The following PPP1R9A variants were observed in gnomAD, a reference collection of about 807,000 sequenced individuals.
The protein encoded by PPP1R9A is neurabin-1.
Under a neutral mutation model 141.9 loss-of-function variants are expected in PPP1R9A, and 59 were observed. The observed-to-expected ratio is 0.42, with a 90% CI of 0.34 to 0.52. The LOEUF (loss-of-function observed/expected upper bound fraction) is 0.52. Among genes scored for constraint, PPP1R9A ranks in the 20% least tolerant of loss-of-function variants. The probability of loss-of-function intolerance (pLI) is 0.10; values close to 1 mark genes in which losing one functional copy is unlikely to be tolerated. For missense variants in PPP1R9A, 1,444 were observed against 1,611.9 expected (o/e 0.90, Z 1.78); for synonymous variants, 500 against 569.7 (o/e 0.88, Z 1.74).
intron 2 of PPP1R9A, among the ~76,000 whole-genome samples, chr7:95,029,164 CAA>C (rs1807310053): frequency 6.6e-6 from 1 of 152,084 alleles, no homozygotes; most frequent in African/African-American, 2.4e-5. Flanking sequence ...TTCTTTGCAC[CAA>C]ATACTTTCCT....
At chr7:95,079,516 A>G (rs2152270960) in intron 2 of PPP1R9A, among the ~76,000 whole-genome samples, 1 of 152,096 alleles carries the variant, frequency 6.6e-6, no homozygotes, top group East Asian at 1.9e-4. Context: ...AGGTACAAGG[A>G]GGAACTGGTA....
intron 4 of PPP1R9A, among the ~76,000 whole-genome samples, chr7:95,123,858 A>G (rs1225274958): frequency 1.3e-5 from 2 of 152,200 alleles, no homozygotes; most frequent in Non-Finnish European, 2.9e-5. Flanking sequence ...CATATATATG[A>G]AACTGTTCTT....
chr7:94,910,709 C>T lies in PPP1R9A; in HGVS notation c.596C>T (p.Ser199Phe), dbSNP rs761574082. The change falls in exon 2 of 20, where the codon TCC (serine) becomes TTC (phenylalanine). Residue 199 changes from serine to phenylalanine, a missense_variant. Ser to Phe is a radical substitution (Grantham distance 155). This residue lies in a region of PPP1R9A where 490 missense variants were observed against 521.1 expected (regional missense o/e 0.94). Transcript: ENST00000433360. The surrounding 1 kb of genome is among the most constrained non-coding windows in gnomAD (Gnocchi z 4.5). ...DSLSSRTEAVSPTVSQLSAVF... is the reference protein window; with the variant it reads ...DSLSSRTEAVFPTVSQLSAVF... Reference sequence around the variant, plus strand: ...CTTAGCTCCCGAACTGAGGCTGTCTCCCCAACTGTGAGTCAACTGAGTGCA... The same window carrying T: ...CTTAGCTCCCGAACTGAGGCTGTCTTCCCAACTGTGAGTCAACTGAGTGCA... 3.7e-6 allele frequency: 6 copies of T among 1,614,166 alleles called. No individual in the cohort carries two copies. Among genetic ancestry groups the T allele is most frequent in the Admixed American group, 1.7e-5 (1 of 60,014 alleles).
At chr7:94,913,441 A>G (rs770122359) in intron 2 of PPP1R9A, among the ~76,000 whole-genome samples, 1 of 152,222 alleles carries the variant, frequency 6.6e-6, no homozygotes, top group Non-Finnish European at 1.5e-5. Context: ...AATGCATTTC[A>G]TCAAGAATAA....
At position 95,274,102 on chromosome 7, in the gene PPP1R9A, A is replaced by T; in HGVS notation, c.3230A>T (p.Asn1077Ile). Reference sequence around the variant, plus strand: ...CATTACAGGGCGCCTTTGCGAAGGAATTCCAGCAAGGGAAAGAAGTGGAAA... The same window carrying T: ...CATTACAGGGCGCCTTTGCGAAGGATTTCCAGCAAGGGAAAGAAGTGGAAA... ...FVDLGAPLRRNSSKGKKWKEK... is the reference protein window; with the variant it reads ...FVDLGAPLRRISSKGKKWKEK... The change falls in exon 16 of 20, where the codon AAT (asparagine) becomes ATT (isoleucine). Residue 1077 changes from asparagine (N) to isoleucine (I), a missense_variant. Coordinates refer to ENST00000433360, the MANE Select transcript of PPP1R9A (RefSeq NM_001166160.2). 6.3e-7 allele frequency: 1 copy of T among 1,583,574 alleles called. No individual in the cohort carries two copies. Among genetic ancestry groups the T allele is most frequent in the Non-Finnish European group, 8.5e-7 (1 of 1,170,528 alleles).
At chr7:95,005,958 A>G (rs145307588) in intron 2 of PPP1R9A, among the ~76,000 whole-genome samples, 59 of 152,270 alleles carry the variant, frequency 3.9e-4, no homozygotes, top group African/African-American at 1.3e-3. Context: ...AGAAGTGGAA[A>G]GTATCTTAGA....
At chr7:95,119,810 T>C (rs1321782342) in intron 3 of PPP1R9A, among the ~76,000 whole-genome samples, 3 of 152,204 alleles carry the variant, frequency 2.0e-5, no homozygotes, top group African/African-American at 7.2e-5. Context: ...ATCTCATTTG[T>C]GTAAGCAAAT....
At chr7:95,090,406 G>A (rs1426066377) in intron 2 of PPP1R9A, among the ~76,000 whole-genome samples, 2 of 151,984 alleles carry the variant, frequency 1.3e-5, no homozygotes, top group African/African-American at 4.8e-5. Context: ...TGCTTTTATA[G>A]TGTATGGAAA....
chr7:95,046,264 ACAGATGGGG>A lies in PPP1R9A; in HGVS notation c.1396-64994_1396-64986del, dbSNP rs1809999860. ...CCTGGCTAATTTTTGTATTTTTAGTACAGATGGGGTTTCACCATGTTGACAGGCTGGTCC... is the reference window on the plus strand; with the variant it reads ...CCTGGCTAATTTTTGTATTTTTAGTATTTCACCATGTTGACAGGCTGGTCC... On this transcript the variant is annotated intron_variant, in intron 2 of 19. Coordinates refer to ENST00000433360, the MANE Select transcript of PPP1R9A (RefSeq NM_001166160.2). 1.2e-4 allele frequency among the ~76,000 whole-genome samples: 19 copies of A among 152,040 alleles called. No individual in the cohort carries two copies. The South Asian group carries it at 4.0e-3, about 32-fold the overall frequency.
intron 8 of PPP1R9A, among the ~76,000 whole-genome samples, chr7:95,246,537 A>G (rs1353143769): frequency 6.6e-6 from 1 of 152,126 alleles, no homozygotes; most frequent in African/African-American, 2.4e-5. Flanking sequence ...AAAATAATTC[A>G]TGTGTTTTTG....
At chr7:95,023,454 G>A (rs1007906159) in intron 2 of PPP1R9A, among the ~76,000 whole-genome samples, 2 of 151,896 alleles carry the variant, frequency 1.3e-5, no homozygotes, top group Non-Finnish European at 2.9e-5. Context: ...TTTTTGAATG[G>A]TTTTTCATGT....
intron 7 of PPP1R9A, among the ~76,000 whole-genome samples, chr7:95,214,774 T>C (rs1028111882): frequency 6.6e-6 from 1 of 152,136 alleles, no homozygotes; most frequent in African/African-American, 2.4e-5. Context: ...GAAAATATTT[T>C]ATTGGCAAAT....
At chr7:95,060,616 G>A (rs530869299) in intron 2 of PPP1R9A, among the ~76,000 whole-genome samples, 61 of 152,206 alleles carry the variant, frequency 4.0e-4, no homozygotes, top group Non-Finnish European at 6.0e-4. Context: ...TGTAAGGTCC[G>A]AAGACCCCAA....
At chr7:95,121,774 G>A (rs1822656116) in intron 4 of PPP1R9A, among the ~76,000 whole-genome samples, 1 of 152,004 alleles carries the variant, frequency 6.6e-6, no homozygotes, top group Non-Finnish European at 1.5e-5. Context: ...GAGCAAGAAG[G>A]GGCAAAACTT....
chr7:94,949,533 A>G (rs938587318), intron 2 of PPP1R9A, among the ~76,000 whole-genome samples: 7 of 152,110 alleles, frequency 4.6e-5, no homozygotes, highest in African/African-American at 1.7e-4. Context: ...AATGGGATTT[A>G]CCCAAAATAG....
chr7:95,035,770 C>T (rs1808346506), intron 2 of PPP1R9A: 1 of 152,110 alleles, frequency 6.6e-6, no homozygotes, highest in African/African-American at 2.4e-5. Context: ...TATAAAAAAA[C>T]CTTGCATTCT....
upstream of PPP1R9A, chr7:94,907,555 CA>C (rs1790886256): frequency 6.6e-6 from 1 of 152,180 alleles, no homozygotes; most frequent in Admixed American, 6.5e-5. Flanking sequence ...GCCCCTCGCC[CA>C]CGGCCGAGGG....
At chr7:95,040,078 A>G (rs560317251) in intron 2 of PPP1R9A, among the ~76,000 whole-genome samples, 1 of 152,300 alleles carries the variant, frequency 6.6e-6, no homozygotes, top group East Asian at 1.9e-4. Flanking sequence ...GAGGATCAGA[A>G]AGGTGGATTT....
At chr7:94,931,282 TC>T (rs1563007703) in intron 2 of PPP1R9A, among the ~76,000 whole-genome samples, 1 of 152,180 alleles carries the variant, frequency 6.6e-6, no homozygotes, top group East Asian at 1.9e-4. Context: ...TTCTGGTAAC[TC>T]CTAAGTTACA....
Sources: allele counts gnomAD v4.1 joint callset (sites outside exome capture counted in the v4.1 genomes callset), GRCh38; gene constraint gnomAD v4.1.1; regional missense constraint gnomAD v4.1.1; non-coding constraint Gnocchi (gnomAD v3.1); transcripts MANE v1.5; gene names NCBI Gene and HGNC (gene_info 2026-07-23, HGNC 2026-07-21).